CTNNA2: variants seen among roughly 807,000 people sequenced by gnomAD.
The protein encoded by CTNNA2 is catenin alpha 2.
Under a neutral mutation model 101.0 loss-of-function variants are expected in CTNNA2, and 42 were observed. The ratio of observed to expected loss-of-function variants is 0.42; its 90% CI spans 0.32 to 0.54. The LOEUF (loss-of-function observed/expected upper bound fraction) is 0.54, where lower values mean the gene tolerates loss of function less well. Ranked by LOEUF, CTNNA2 falls within the 20% of genes least tolerant of loss-of-function variation. The pLI, the probability that CTNNA2 is intolerant of heterozygous loss-of-function variation, is 0.14. For missense variants in CTNNA2, 871 were observed against 1,223.1 expected (o/e 0.71, Z 4.29); for synonymous variants, 450 against 456.4 (o/e 0.99, Z 0.18).
Position 79,576,968 on chromosome 2 carries a change from T to C in CTNNA2, c.-6+63761T>C, listed in dbSNP as rs533076773. Among the ~76,000 whole-genome samples, 6 of 152,222 alleles carry C rather than the reference T, an allele frequency of 3.9e-5. No homozygotes were observed. The South Asian group carries it at 1.2e-3, about 32-fold the overall frequency. Reference sequence around the variant, plus strand: ...TAGTGAAAATGTGAGGATAGAAGTTTGCAGCCATGTTCTTCATGGGGGTTT... The same window carrying C: ...TAGTGAAAATGTGAGGATAGAAGTTCGCAGCCATGTTCTTCATGGGGGTTT... On this transcript the variant is annotated intron_variant, in intron 1 of 18. Transcript: ENST00000402739.
chr2:80,432,311 A>G (rs1472724218), intron 9 of CTNNA2, among the ~76,000 whole-genome samples: 1 of 152,226 alleles, frequency 6.6e-6, no homozygotes, highest in Non-Finnish European at 1.5e-5. Context: ...TTTTTTAATC[A>G]TATGTAAAAT....
chr2:79,985,159 G>A (rs75589857), intron 7 of CTNNA2, among the ~76,000 whole-genome samples: 2 of 152,266 alleles, frequency 1.3e-5, no homozygotes, highest in African/African-American at 4.8e-5. Flanking sequence ...CCTGCAGGCT[G>A]ATCTGTAGCC....
At chr2:79,352,019 G>A (rs1009533333) in intron 3 of CTNNA2, among the ~76,000 whole-genome samples, 1 of 152,168 alleles carries the variant, frequency 6.6e-6, no homozygotes, top group African/African-American at 2.4e-5. Flanking sequence ...CACAGTGGCT[G>A]AACTAATTTG....
intron 2 of CTNNA2, among the ~76,000 whole-genome samples, chr2:79,659,814 CAG>C (rs1002558493): frequency 1.3e-5 from 2 of 152,100 alleles, no homozygotes; most frequent in African/African-American, 4.8e-5. Flanking sequence ...CTGGGAAAAA[CAG>C]AGAGACCAGT....
intron 1 of CTNNA2, among the ~76,000 whole-genome samples, chr2:79,569,602 C>G (rs950956061): frequency 6.6e-6 from 1 of 152,072 alleles, no homozygotes; most frequent in South Asian, 2.1e-4. Context: ...TCAGGTCTTA[C>G]CACAGCAGCA....
chr2:79,217,995 A>G (rs1674288481), intron 2 of CTNNA2, among the ~76,000 whole-genome samples: 1 of 152,218 alleles, frequency 6.6e-6, no homozygotes, highest in African/African-American at 2.4e-5. Context: ...ATGAACATCT[A>G]CATAATAAAA....
chr2:80,443,112 T>A (rs942958617), intron 9 of CTNNA2, among the ~76,000 whole-genome samples: 2 of 152,194 alleles, frequency 1.3e-5, no homozygotes, highest in Non-Finnish European at 2.9e-5. Flanking sequence ...GCAGCCTTCC[T>A]GTGGAACCAA....
chr2:79,430,621 A>G (rs1002131404), intron 4 of CTNNA2, among the ~76,000 whole-genome samples: 3 of 152,096 alleles, frequency 2.0e-5, no homozygotes, highest in Non-Finnish European at 4.4e-5. Flanking sequence ...TGCATATATT[A>G]TTTTACTTAA....
chr2:80,259,139 T>A (rs147217720), intron 7 of CTNNA2, among the ~76,000 whole-genome samples: 51 of 152,264 alleles, frequency 3.3e-4, no homozygotes, highest in African/African-American at 1.2e-3. Flanking sequence ...GCAAGAACAC[T>A]GACTCTTGAT....
At position 80,292,955 on chromosome 2, in the gene CTNNA2, G is replaced by A. The variant is rs200980483; in HGVS notation, c.1057-100256G>A. Among the ~76,000 whole-genome samples the A allele has an allele frequency of 6.6e-5, 10 of 152,238 alleles. No homozygotes were observed. The East Asian group carries it at 1.9e-3, about 29-fold the overall frequency. On this transcript the variant is annotated intron_variant, in intron 7 of 18. Transcript: ENST00000402739. ...TTGAAATAATATGCAAAAAAGATCA[G>A]TATGAAACACTCAGACAAAAAATGG...
intron 7 of CTNNA2, among the ~76,000 whole-genome samples, chr2:80,280,897 A>C (rs1411240185): frequency 1.3e-5 from 2 of 152,122 alleles, no homozygotes; most frequent in Non-Finnish European, 2.9e-5. Context: ...TCGGGCATCT[A>C]CTGGGGGTCT....
chr2:79,354,703 T>C (rs1677467261), intron 3 of CTNNA2, among the ~76,000 whole-genome samples: 1 of 152,112 alleles, frequency 6.6e-6, no homozygotes, highest in African/African-American at 2.4e-5. Flanking sequence ...CATCATGAGA[T>C]CTGTTGCACC....
At chr2:79,217,522 G>C (rs1355781012) in intron 2 of CTNNA2, among the ~76,000 whole-genome samples, 1 of 152,206 alleles carries the variant, frequency 6.6e-6, no homozygotes, top group African/African-American at 2.4e-5. Flanking sequence ...AAGGTGCTCA[G>C]TAGGGGAGCT....
intron 7 of CTNNA2, among the ~76,000 whole-genome samples, chr2:80,282,543 C>T (rs1009831820): frequency 1.3e-5 from 2 of 152,102 alleles, no homozygotes; most frequent in Admixed American, 6.6e-5. Context: ...CCAGCTGCAA[C>T]AATATCAACC....
chr2:79,962,061 G>GA (rs1178775471), intron 7 of CTNNA2, among the ~76,000 whole-genome samples: 1 of 152,212 alleles, frequency 6.6e-6, no homozygotes, highest in Non-Finnish European at 1.5e-5. Flanking sequence ...CTGCCATGAC[G>GA]AGGCAACCTG....
At chr2:80,283,757 C>T (rs1278653761) in intron 7 of CTNNA2, among the ~76,000 whole-genome samples, 2 of 151,980 alleles carry the variant, frequency 1.3e-5, no homozygotes, top group East Asian at 3.9e-4. Flanking sequence ...GACAGCTAGT[C>T]ATGCAGGAAG....
chr2:79,262,885 G>T (rs1477859167), intron 2 of CTNNA2, among the ~76,000 whole-genome samples: 3 of 152,052 alleles, frequency 2.0e-5, no homozygotes, highest in African/African-American at 7.2e-5. Context: ...AATATTTATG[G>T]GTTAACTCTC....
chr2:80,098,086 T>A (rs1451707155), intron 7 of CTNNA2, among the ~76,000 whole-genome samples: 1 of 152,178 alleles, frequency 6.6e-6, no homozygotes, highest in Non-Finnish European at 1.5e-5. Context: ...GGCACTCTGA[T>A]TTTTAGAGTT....
intron 7 of CTNNA2, among the ~76,000 whole-genome samples, chr2:80,391,756 A>AC (rs1677539165): frequency 6.6e-6 from 1 of 152,282 alleles, no homozygotes; most frequent in African/African-American, 2.4e-5. Flanking sequence ...TTCTCCATAC[A>AC]CTTTTGTTTT....
Sources: gnomAD v4.1 joint callset for allele counts (sites outside exome capture counted in the v4.1 genomes callset) on GRCh38, gnomAD v4.1.1 for gene constraint, MANE v1.5 for transcripts, NCBI Gene and HGNC (gene_info 2026-07-23, HGNC 2026-07-21) for gene names.